The following DAO variants were observed in gnomAD, a reference collection of about 807,000 sequenced individuals.
The protein encoded by DAO is D-amino-acid oxidase.
A neutral mutation model predicts 50.1 loss-of-function variants in DAO; 51 were observed. The observed-to-expected ratio is 1.02, with a 90% confidence interval of 0.81 to 1.29. The LOEUF (loss-of-function observed/expected upper bound fraction) is 1.29, where lower values mean the gene tolerates loss of function less well. DAO is among the 50% of genes most tolerant of loss of function. The pLI is 0.00. For synonymous variants in DAO, 160 were observed against 166.2 expected (o/e 0.96, Z 0.29); for missense variants, 436 against 439.4 (o/e 0.99, Z 0.07).
intron 3 of DAO, among the ~76,000 whole-genome samples, chr12:108,888,966 C>A (rs1379598079): frequency 2.6e-5 from 4 of 152,208 alleles, no homozygotes; most frequent in African/African-American, 9.7e-5. Context: ...TCTTTCTAAG[C>A]CTCAATTGGT....
At chr12:108,895,424 G>GGT (rs1291258565) in intron 7 of DAO, among the ~76,000 whole-genome samples, 16 of 141,918 alleles carry the variant, frequency 1.1e-4, no homozygotes, top group Non-Finnish European at 1.8e-4. Context: ...TGTGTGTGAG[G>GGT]GTGTGTGCAT....
At chr12:108,893,133 G>C in intron 6 of DAO, 97 bp downstream of exon 6, 1 of 1,112,410 alleles carries the variant, frequency 9.0e-7, no homozygotes, top group Non-Finnish European at 1.3e-6. Context: ...CAGGCTCCTA[G>C]GGTCCCCACA....
chr12:108,885,467 G>A (rs570125666), intron 2 of DAO, among the ~76,000 whole-genome samples: 10 of 152,182 alleles, frequency 6.6e-5, no homozygotes, highest in African/African-American at 1.2e-4. Context: ...AAAATTAGCC[G>A]GGCATGGTGG....
In DAO at chr12:108,890,312, A is replaced by G. The variant is rs558377677; in HGVS notation, c.452+39A>G. The G allele has an allele frequency of 5.3e-6, 8 of 1,511,512 alleles. No individual in the cohort carries two copies. In the South Asian group the frequency reaches 9.0e-5, roughly 17 times the overall value. The allele number at this position is 1,511,512 out of a possible 1,614,324, so 93.6% of individuals were successfully genotyped here. On this transcript the variant is annotated intron_variant, in intron 5 of 10. Transcript: ENST00000228476. The stretch of plus-strand genomic sequence containing the variant: ...CTTCACTTTGAGGGAGGTACCTCCC[A>G]GAGACCAAGTTGTAGTGGAAGATGG...
chr12:108,881,956 CATTTTATTTT>C (rs995771755), intron 1 of DAO, among the ~76,000 whole-genome samples: 2 of 152,018 alleles, frequency 1.3e-5, no homozygotes, highest in African/African-American at 2.4e-5. Context: ...TTCCTACAGG[CATTTTATTTT>C]ATTTTATTTT....
At position 108,885,151 on chromosome 12, in the gene DAO, G is replaced by C; in HGVS notation, c.145G>C (p.Ala49Pro). ...FTPLTTTDVAAGLWQPYLSDP... is the reference protein window; with the variant it reads ...FTPLTTTDVAPGLWQPYLSDP... Reference sequence around the variant, plus strand: ...CCCACTCACCACCACCGACGTGGCTGCCGGCCTCTGGCAGCCCTACCTTTC... The same window carrying C: ...CCCACTCACCACCACCGACGTGGCTCCCGGCCTCTGGCAGCCCTACCTTTC... Residue 49 changes from alanine to proline, a missense_variant, in exon 2 of 11, where the codon GCC (alanine) becomes CCC (proline). Coordinates refer to ENST00000228476, the MANE Select transcript of DAO (RefSeq NM_001917.5). 1 of 1,613,396 alleles carries C rather than the reference G, an allele frequency of 6.2e-7. No homozygotes were observed. The highest frequency in any genetic ancestry group is 1.1e-5 in the South Asian group (1 of 91,072).
In DAO at chr12:108,883,604, C is replaced by T. The variant is rs114716074; in HGVS notation, c.-9-1394C>T. ...CTTCTTATTTAATCCTTAAAATGAC[C>T]CTGTGAGATTGGGATTAACCCTGTT... On this transcript the variant is annotated intron_variant, in intron 1 of 10. Coordinates refer to ENST00000228476, the MANE Select transcript of DAO (RefSeq NM_001917.5). The T allele has an allele frequency of 2.4e-3, 1,110 of 456,404 alleles. 12 individuals carry two copies. Among genetic ancestry groups the T allele is most frequent in the African/African-American group, 0.021 (1,033 of 50,146 alleles). The allele number at this position is 456,404 out of a possible 1,614,324, so 28.3% of individuals were successfully genotyped here.
At chr12:108,881,556 T>C (rs1009122194) in intron 1 of DAO, among the ~76,000 whole-genome samples, 1 of 151,134 alleles carries the variant, frequency 6.6e-6, no homozygotes, top group East Asian at 1.9e-4. Context: ...TGAATTTTTT[T>C]AAAAAAAGAT....
At chr12:108,899,327 C>T in intron 9 of DAO, 50 bp from the exon 10 acceptor site, 1 of 1,395,310 alleles carries the variant, frequency 7.2e-7, no homozygotes. Context: ...CTAAAAATGG[C>T]AGCAGGAAAA....
intron 8 of DAO, chr12:108,898,356 T>C (rs1190595447): frequency 1.6e-5 from 6 of 377,828 alleles, no homozygotes; most frequent in Non-Finnish European, 3.1e-5. Context: ...GCACCAACCA[T>C]GTTATCTCAA....
intron 5 of DAO, among the ~76,000 whole-genome samples, chr12:108,891,806 C>T (rs1444559619): frequency 6.6e-6 from 1 of 152,084 alleles, no homozygotes; most frequent in Non-Finnish European, 1.5e-5. Flanking sequence ...CACTATGTTG[C>T]CCAGGCTGGT....
chr12:108,889,286 A>G (rs1292257428), intron 3 of DAO, among the ~76,000 whole-genome samples, 183 bp from the exon 4 acceptor site: 1 of 151,876 alleles, frequency 6.6e-6, no homozygotes, highest in Non-Finnish European at 1.5e-5. Context: ...TTGTATTATT[A>G]TTTAGTATAA....
chr12:108,882,868 G>A (rs1442545317), intron 1 of DAO, among the ~76,000 whole-genome samples: 4 of 152,112 alleles, frequency 2.6e-5, no homozygotes. Context: ...GGTCAAGCGG[G>A]CGGGTGCAGT....
intron 10 of DAO, chr12:108,900,069 T>G: frequency 2.7e-6 from 1 of 364,476 alleles, no homozygotes; most frequent in South Asian, 2.3e-5. Flanking sequence ...ATAGGGACAG[T>G]TCTCCCTATG....
intron 1 of DAO, among the ~76,000 whole-genome samples, chr12:108,881,556 TA>T (rs1210823687): frequency 1.7e-4 from 25 of 151,134 alleles, no homozygotes; most frequent in African/African-American, 5.6e-4. Context: ...TGAATTTTTT[TA>T]AAAAAAGATA....
At chr12:108,884,919 T>C in intron 1 of DAO, 79 bp from the exon 2 acceptor site, 1 of 1,362,146 alleles carries the variant, frequency 7.3e-7, no homozygotes, top group South Asian at 1.2e-5. Flanking sequence ...TTCTAAGCCT[T>C]CAGTGGATGG....
chr12:108,899,756 C>T, intron 10 of DAO: 1 of 488,056 alleles, frequency 2.0e-6, no homozygotes. Flanking sequence ...GGGATGGTAG[C>T]TGGTGCTGAT....
intron 3 of DAO, among the ~76,000 whole-genome samples, chr12:108,888,629 C>T (rs2039458745): frequency 1.3e-5 from 2 of 152,080 alleles, no homozygotes; most frequent in South Asian, 2.1e-4. Flanking sequence ...CCACTGCACC[C>T]GGCCAAGAGT....
intron 5 of DAO, 47 bp downstream of exon 5, chr12:108,890,320 A>G (rs371827483): frequency 5.5e-6 from 8 of 1,455,904 alleles, no homozygotes; most frequent in Non-Finnish European, 4.8e-6. Flanking sequence ...CCAGAGACCA[A>G]GTTGTAGTGG....
Sources: gnomAD v4.1 joint callset for allele counts (sites outside exome capture counted in the v4.1 genomes callset) on GRCh38, gnomAD v4.1.1 for gene constraint, MANE v1.5 for transcripts, NCBI Gene and HGNC (gene_info 2026-07-23, HGNC 2026-07-21) for gene names.